Variants in UNC5C observed in about 807,000 individuals in gnomAD.
The protein encoded by UNC5C is unc-5 netrin receptor C, also known as netrin receptor UNC5C.
In UNC5C, 47 loss-of-function variants were observed where a neutral mutation model predicts 99.8. That is an observed-to-expected ratio of 0.47 (90% CI 0.37 to 0.60). The LOEUF (loss-of-function observed/expected upper bound fraction) is 0.60. Ranked by LOEUF, UNC5C falls within the 20% of genes least tolerant of loss-of-function variation. The probability of loss-of-function intolerance (pLI) is 0.00; values close to 1 mark genes in which losing one functional copy is unlikely to be tolerated. For synonymous variants in UNC5C, 487 were observed against 452.2 expected (o/e 1.08, Z -0.98); for missense variants, 1,062 against 1,165.9 (o/e 0.91, Z 1.30).
At chr4:95,455,380 C>A (rs1298799169) in intron 1 of UNC5C, among the ~76,000 whole-genome samples, 1 of 152,006 alleles carries the variant, frequency 6.6e-6, no homozygotes, top group African/African-American at 2.4e-5. Flanking sequence ...ATTAAGCATG[C>A]AATTTAGGCC....
intron 1 of UNC5C, among the ~76,000 whole-genome samples, chr4:95,535,829 C>G (rs906317087): frequency 6.6e-6 from 1 of 151,544 alleles, no homozygotes; most frequent in African/African-American, 2.4e-5. Flanking sequence ...CACATACATA[C>G]AAATATATGC....
At chr4:95,251,167 A>G (rs1739708719) in intron 4 of UNC5C, among the ~76,000 whole-genome samples, 1 of 152,248 alleles carries the variant, frequency 6.6e-6, no homozygotes, top group African/African-American at 2.4e-5. Context: ...ACATAGCTGT[A>G]ATAAAATAAC....
At chr4:95,217,205 G>A (rs1179763453) in intron 9 of UNC5C, among the ~76,000 whole-genome samples, 1 of 152,170 alleles carries the variant, frequency 6.6e-6, no homozygotes, top group Non-Finnish European at 1.5e-5. Flanking sequence ...AATTTAATTA[G>A]CGAGGAAATG....
At chr4:95,459,610 CTT>C (rs1310873990) in intron 1 of UNC5C, among the ~76,000 whole-genome samples, 3 of 152,078 alleles carry the variant, frequency 2.0e-5, no homozygotes. Context: ...ATTTGATAAA[CTT>C]TTTTGTAAGT....
At chr4:95,476,615 C>G (rs538687460) in intron 1 of UNC5C, among the ~76,000 whole-genome samples, 79 of 152,064 alleles carry the variant, frequency 5.2e-4, no homozygotes, top group Non-Finnish European at 9.4e-4. Flanking sequence ...AAATATTGTT[C>G]GTTCTGTTCT....
intron 7 of UNC5C, among the ~76,000 whole-genome samples, chr4:95,229,163 T>C (rs1738806559): frequency 6.6e-6 from 1 of 152,218 alleles, no homozygotes. Context: ...AGTTCTGAGA[T>C]ACATGTGCAG....
intron 1 of UNC5C, among the ~76,000 whole-genome samples, chr4:95,411,084 T>C (rs1428756093): frequency 2.0e-5 from 3 of 152,206 alleles, no homozygotes; most frequent in African/African-American, 4.8e-5. Context: ...AAAGAAATTA[T>C]TTTCTTATCT....
At chr4:95,255,817 G>A (rs919982658) in intron 4 of UNC5C, among the ~76,000 whole-genome samples, 14 of 151,364 alleles carry the variant, frequency 9.2e-5, no homozygotes, top group Non-Finnish European at 1.3e-4. Flanking sequence ...CTCACCCCCC[G>A]CCCACCACCT....
chr4:95,453,703 G>A (rs1434343534), intron 1 of UNC5C, among the ~76,000 whole-genome samples: 2 of 152,022 alleles, frequency 1.3e-5, no homozygotes, highest in African/African-American at 4.8e-5. Context: ...AGTGATTACT[G>A]TCTTGAAGAG....
At chr4:95,490,186 G>A (rs1240809612) in intron 1 of UNC5C, among the ~76,000 whole-genome samples, 3 of 151,560 alleles carry the variant, frequency 2.0e-5, no homozygotes, top group Non-Finnish European at 4.4e-5. Context: ...ATCAAGAGAT[G>A]CACTTCCAGA....
At chr4:95,224,168 G>T (rs937336789) in intron 7 of UNC5C, among the ~76,000 whole-genome samples, 3 of 152,096 alleles carry the variant, frequency 2.0e-5, no homozygotes, top group African/African-American at 7.2e-5. Context: ...CTGTGATCCC[G>T]GCTACTCAGG....
intron 1 of UNC5C, among the ~76,000 whole-genome samples, chr4:95,509,799 T>C (rs1205236191): frequency 1.1e-4 from 17 of 151,878 alleles, no homozygotes; most frequent in Non-Finnish European, 7.4e-5. Context: ...TAATCAAATA[T>C]AAACAATATA....
rs2149339991 is a variant in UNC5C, at chr4:95,163,322, C to CTATA, written c.*5911_*5912insTATA. 6.6e-6 allele frequency: 1 copy of CTATA among 152,302 alleles called. No homozygotes were observed. The highest frequency in any genetic ancestry group is 2.1e-4 in the South Asian group (1 of 4,816). The allele number at this position is 152,302 out of a possible 1,614,324, so 9.4% of individuals were successfully genotyped here. The stretch of plus-strand genomic sequence containing the variant: ...TTACACCAGCTGTAGATTTCTTGCT[C>CTATA]TTATATGTCACTCCGAACAGAGTTG... On this transcript the variant is annotated 3_prime_UTR_variant, in exon 16 of 16. Transcript: ENST00000453304.
chr4:95,415,767 T>G (rs1746144517), intron 1 of UNC5C, among the ~76,000 whole-genome samples: 1 of 152,132 alleles, frequency 6.6e-6, no homozygotes, highest in East Asian at 1.9e-4. Flanking sequence ...TTAGAAAGTA[T>G]GGAATAACTA....
chr4:95,372,963 G>A (rs756327455), intron 1 of UNC5C, among the ~76,000 whole-genome samples: 1 of 152,128 alleles, frequency 6.6e-6, no homozygotes, highest in African/African-American at 2.4e-5. Context: ...AACAATACAA[G>A]GTTGTAGCAG....
chr4:95,341,895 T>C (rs1743593473), intron 1 of UNC5C, among the ~76,000 whole-genome samples: 1 of 151,830 alleles, frequency 6.6e-6, no homozygotes, highest in Non-Finnish European at 1.5e-5. Flanking sequence ...TGGAACAGAG[T>C]GCTACCCTGT....
intron 4 of UNC5C, among the ~76,000 whole-genome samples, chr4:95,266,966 A>G (rs1033066091): frequency 1.5e-4 from 23 of 152,196 alleles, no homozygotes; most frequent in Non-Finnish European, 4.4e-5. Flanking sequence ...ATTATTAAAC[A>G]TGATAAAAAT....
At chr4:95,190,169 G>GGA (rs1737013263) in intron 12 of UNC5C, among the ~76,000 whole-genome samples, 6 of 151,400 alleles carry the variant, frequency 4.0e-5, no homozygotes, top group Non-Finnish European at 8.8e-5. Flanking sequence ...CATAAAAAAT[G>GGA]ATGAGTTCAT....
chr4:95,367,934 A>T (rs927470181), intron 1 of UNC5C, among the ~76,000 whole-genome samples: 2 of 152,190 alleles, frequency 1.3e-5, no homozygotes, highest in African/African-American at 4.8e-5. Flanking sequence ...ATTTTACATT[A>T]TCTTCCCTAG....
Sources: gnomAD v4.1 joint callset for allele counts (sites outside exome capture counted in the v4.1 genomes callset) on GRCh38, gnomAD v4.1.1 for gene constraint, MANE v1.5 for transcripts, NCBI Gene and HGNC (gene_info 2026-07-23, HGNC 2026-07-21) for gene names.